The following SCARA5 variants were observed in gnomAD, a reference collection of about 807,000 sequenced individuals.
SCARA5 encodes the protein scavenger receptor class A, member 5 (putative).
A neutral mutation model predicts 46.3 loss-of-function variants in SCARA5; 45 were observed. The ratio of observed to expected loss-of-function variants is 0.97; its 90% CI spans 0.76 to 1.24. SCARA5 has a LOEUF of 1.24. Ranked by LOEUF, SCARA5 falls within the 50% of genes most tolerant of loss-of-function variation. The probability of loss-of-function intolerance (pLI) is 0.00; values close to 1 mark genes in which losing one functional copy is unlikely to be tolerated. For missense variants in SCARA5, 680 were observed against 689.0 expected, an observed-to-expected ratio of 0.99 and a Z score of 0.15; for synonymous variants, 333 against 306.5, an observed-to-expected ratio of 1.09 and a Z score of -0.90.
At chr8:27,970,760 C>T (rs1443474615) in intron 2 of SCARA5, among the ~76,000 whole-genome samples, 1 of 152,184 alleles carries the variant, frequency 6.6e-6, no homozygotes, top group Non-Finnish European at 1.5e-5. Flanking sequence ...CCTCCTGCAT[C>T]ACAACCTCTT....
Position 27,879,663 on chromosome 8 carries a change from G to A in SCARA5, c.1257C>T (p.Asp419=), listed in dbSNP as rs6983356. The A allele has an allele frequency of 0.099, 159,700 of 1,612,742 alleles. 9,797 individuals carry two copies. Among genetic ancestry groups the A allele is most frequent in the African/African-American group, 0.29 (21,636 of 74,946 alleles). Residue 419 remains aspartate (D), a synonymous_variant, in exon 8 of 9, where the codon GAC becomes GAT. Transcript: ENST00000354914. ...YHDRRWGTVC[D]DGWDKKDGDV... Reference sequence around the variant, plus strand: ...CTCCGTCCTTCTTGTCCCAGCCGTCGTCACACACGGTGCCCCAACGCCGGT... The same window carrying A: ...CTCCGTCCTTCTTGTCCCAGCCGTCATCACACACGGTGCCCCAACGCCGGT...
intron 3 of SCARA5, among the ~76,000 whole-genome samples, chr8:27,936,912 C>G (rs17058308): frequency 1.3e-5 from 2 of 152,112 alleles, no homozygotes; most frequent in Non-Finnish European, 2.9e-5. Flanking sequence ...GTCTGTGACA[C>G]CTTACTGCTG....
rs149493494 is a variant in SCARA5 at position 27,877,416 on chromosome 8, G to A, written c.1351+2153C>T. Reference sequence around the variant, plus strand: ...CCTGTGTCAAGAGGAACAGATCAGGGGAGTGAAAGAAGCCACAGTCTACAG... The same window carrying A: ...CCTGTGTCAAGAGGAACAGATCAGGAGAGTGAAAGAAGCCACAGTCTACAG... On this transcript the variant is annotated intron_variant, in intron 8 of 8. Coordinates refer to ENST00000354914, the MANE Select transcript of SCARA5 (RefSeq NM_173833.6). Among the ~76,000 whole-genome samples, 10 of 152,276 alleles carry A rather than the reference G, an allele frequency of 6.6e-5. No individual in the cohort carries two copies. The East Asian group carries it at 1.7e-3, about 27-fold the overall frequency.
intron 3 of SCARA5, among the ~76,000 whole-genome samples, chr8:27,954,126 C>CA (rs1264485628): frequency 6.6e-6 from 1 of 152,214 alleles, no homozygotes; most frequent in African/African-American, 2.4e-5. Context: ...CTTGTGTCCT[C>CA]AGGGCACTTA....
chr8:27,895,757 G>A, intron 7 of SCARA5, among the ~76,000 whole-genome samples: 1 of 152,182 alleles, frequency 6.6e-6, no homozygotes, highest in Admixed American at 6.5e-5. Context: ...AGGAGCAACA[G>A]AACTATCTCC....
At chr8:27,942,642 C>T (rs1213850949) in intron 3 of SCARA5, among the ~76,000 whole-genome samples, 1 of 152,138 alleles carries the variant, frequency 6.6e-6, no homozygotes, top group Non-Finnish European at 1.5e-5. Context: ...CCACTTCCTT[C>T]CCCACTTTAA....
At chr8:27,923,989 T>C (rs1327189650) in intron 3 of SCARA5, among the ~76,000 whole-genome samples, 2 of 152,226 alleles carry the variant, frequency 1.3e-5, no homozygotes, top group African/African-American at 4.8e-5. Flanking sequence ...TATTGCATAA[T>C]ACTAAGAACA....
At position 27,872,927 on chromosome 8, in the gene SCARA5, C is replaced by T. The variant is rs1486836229; in HGVS notation, c.1352-857G>A. ...ACCAATACAATGGGAACACGGTCATCAAGGGAGGAGCAGTGCATATCTGCA... is the reference window on the plus strand; with the variant it reads ...ACCAATACAATGGGAACACGGTCATTAAGGGAGGAGCAGTGCATATCTGCA... On this transcript the variant is annotated intron_variant, in intron 8 of 8. Transcript: ENST00000354914. Among the ~76,000 whole-genome samples, 4 of 152,194 alleles carry T rather than the reference C, an allele frequency of 2.6e-5. No homozygotes were observed. In the East Asian group the frequency reaches 7.7e-4, roughly 29 times the overall value.
chr8:27,974,006 A>G (rs2129957003), intron 2 of SCARA5, among the ~76,000 whole-genome samples: 1 of 152,298 alleles, frequency 6.6e-6, no homozygotes, highest in Non-Finnish European at 1.5e-5. Context: ...GATGTTTGGC[A>G]ACGGACATTA....
Position 27,871,386 on chromosome 8 carries a change from T to C in SCARA5, c.*548A>G, listed in dbSNP as rs1806634808. 1 of 977,474 alleles carries C rather than the reference T, an allele frequency of 1.0e-6. No individual in the cohort carries two copies. The highest frequency in any genetic ancestry group is 1.2e-6 in the Non-Finnish European group (1 of 822,360). The allele number at this position is 977,474 out of a possible 1,614,324, so 60.6% of individuals were successfully genotyped here. Reference sequence around the variant, plus strand: ...TTCCCTCTTGCCCCTACAGCTGGCTTCTCCTCTATGTCACTTCCTCAAACT... The same window carrying C: ...TTCCCTCTTGCCCCTACAGCTGGCTCCTCCTCTATGTCACTTCCTCAAACT... On this transcript the variant is annotated 3_prime_UTR_variant, in exon 9 of 9. Coordinates refer to ENST00000354914, the MANE Select transcript of SCARA5 (RefSeq NM_173833.6).
At chr8:27,978,148 T>G (rs1333927735) in intron 2 of SCARA5, among the ~76,000 whole-genome samples, 1 of 148,288 alleles carries the variant, frequency 6.7e-6, no homozygotes, top group Non-Finnish European at 1.5e-5. Context: ...TGCCTCAGCC[T>G]CCCGAGTAGC....
chr8:27,912,764 G>A (rs1807398580), intron 4 of SCARA5, among the ~76,000 whole-genome samples: 1 of 152,254 alleles, frequency 6.6e-6, no homozygotes, highest in Non-Finnish European at 1.5e-5. Context: ...AGATGCAGGT[G>A]CAACCTGCAG....
At chr8:27,922,982 C>A (rs1807622960) in intron 3 of SCARA5, among the ~76,000 whole-genome samples, 1 of 152,222 alleles carries the variant, frequency 6.6e-6, no homozygotes, top group Non-Finnish European at 1.5e-5. Flanking sequence ...ACTTCCCAGC[C>A]TCCAGAACCA....
At chr8:27,949,056 CG>C (rs1256138357) in intron 3 of SCARA5, among the ~76,000 whole-genome samples, 6 of 152,262 alleles carry the variant, frequency 3.9e-5, no homozygotes, top group South Asian at 2.1e-4. Flanking sequence ...TCCCTCACTT[CG>C]GGGTGCCTCA....
chr8:27,958,075 G>A (rs1012327518), intron 3 of SCARA5, among the ~76,000 whole-genome samples: 1 of 152,364 alleles, frequency 6.6e-6, no homozygotes, highest in East Asian at 1.9e-4. Flanking sequence ...ATTGCAGTGG[G>A]ATGGAGCTGA....
intron 8 of SCARA5, among the ~76,000 whole-genome samples, chr8:27,879,206 G>T (rs965811871): frequency 6.6e-6 from 1 of 152,140 alleles, no homozygotes; most frequent in Admixed American, 6.5e-5. Context: ...TCATATAAGT[G>T]TTAACAATAA....
intron 1 of SCARA5, among the ~76,000 whole-genome samples, chr8:27,990,225 G>T (rs1444120229): frequency 6.6e-6 from 1 of 152,230 alleles, no homozygotes; most frequent in Admixed American, 6.5e-5. Context: ...GAGGGACTGG[G>T]GCCGAGCGGG....
chr8:27,972,319 A>AAAAAC (rs1162674096), intron 2 of SCARA5, among the ~76,000 whole-genome samples: 8 of 106,374 alleles, frequency 7.5e-5, no homozygotes, highest in East Asian at 2.7e-4. Context: ...TCTGTCTCAA[A>AAAAAC]AAAACAAAAC....
intron 4 of SCARA5, among the ~76,000 whole-genome samples, chr8:27,920,797 C>T (rs551619677): frequency 1.4e-4 from 22 of 151,736 alleles, no homozygotes; most frequent in Non-Finnish European, 2.2e-4. Flanking sequence ...AGAGCCAGAC[C>T]CCAACTTGAA....
Sources: gnomAD v4.1 joint callset for allele counts (sites outside exome capture counted in the v4.1 genomes callset) on GRCh38, gnomAD v4.1.1 for gene constraint, MANE v1.5 for transcripts, NCBI Gene and HGNC (gene_info 2026-07-23, HGNC 2026-07-21) for gene names.